SCFD1: variants seen among roughly 807,000 people sequenced by gnomAD.
SCFD1 encodes the protein sec1 family domain-containing protein 1.
Under a neutral mutation model 103.2 loss-of-function variants are expected in SCFD1, and 37 were observed. The observed-to-expected ratio is 0.36, with a 90% CI of 0.28 to 0.47. The LOEUF is 0.47. Ranked by LOEUF, SCFD1 falls within the 20% of genes least tolerant of loss-of-function variation. The pLI is 1.00. For synonymous variants in SCFD1, 264 were observed against 245.0 expected, an observed-to-expected ratio of 1.08 and a Z score of -0.73; for missense variants, 639 against 761.2, an observed-to-expected ratio of 0.84 and a Z score of 1.89.
At chr14:30,666,087 A>G (rs931790814) in intron 10 of SCFD1, among the ~76,000 whole-genome samples, 1 of 152,204 alleles carries the variant, frequency 6.6e-6, no homozygotes, top group African/African-American at 2.4e-5. Flanking sequence ...TCCACCCCAA[A>G]TCAACAGAAT....
intron 10 of SCFD1, among the ~76,000 whole-genome samples, chr14:30,665,457 A>G (rs920814427): frequency 2.0e-5 from 3 of 152,344 alleles, no homozygotes; most frequent in South Asian, 2.1e-4. Context: ...TGTAAAGACC[A>G]TAGATGCTAG....
In SCFD1 at chr14:30,649,568, A is replaced by G. The variant is rs370368835; in HGVS notation, c.654A>G (p.Ala218=). 1.2e-4 allele frequency: 196 copies of G among 1,572,688 alleles called. No individual in the cohort carries two copies. The highest frequency in any genetic ancestry group is 1.5e-4 in the Non-Finnish European group (175 of 1,167,022). Residue 218 remains alanine, a synonymous_variant, in exon 8 of 25, where the codon GCA becomes GCG. Coordinates refer to ENST00000458591, the MANE Select transcript of SCFD1 (RefSeq NM_016106.4). ...TCAGATGTTCAAGAGGAACAGCAGC[A>G]GAAATGGTAGCAGTGGTAAGTTCAT... The part of the protein sequence containing the change: ...PIIRCSRGTA[A]EMVAVKLDKK...
chr14:30,674,112 A>G (rs553582651), intron 13 of SCFD1, 115 bp downstream of exon 13: 1 of 676,912 alleles, frequency 1.5e-6, no homozygotes, highest in Admixed American at 2.8e-5. Context: ...AATAGCAAAT[A>G]TAACTTTGAA....
At chr14:30,670,182 T>C (rs1328560081) in intron 10 of SCFD1, 74 bp from the exon 11 acceptor site, 4 of 1,230,774 alleles carry the variant, frequency 3.2e-6, no homozygotes, top group Non-Finnish European at 4.5e-6. Context: ...TTGGAAACAT[T>C]AGAAAGGGCA....
At chr14:30,690,906 T>G (rs1447324314) in intron 14 of SCFD1, among the ~76,000 whole-genome samples, 3 of 152,260 alleles carry the variant, frequency 2.0e-5, no homozygotes, top group Non-Finnish European at 4.4e-5. Context: ...GTTATTTTGT[T>G]TTATATTTTT....
At chr14:30,663,142 T>C (rs1488911492) in intron 10 of SCFD1, among the ~76,000 whole-genome samples, 1 of 152,200 alleles carries the variant, frequency 6.6e-6, no homozygotes, top group Non-Finnish European at 1.5e-5. Flanking sequence ...ATTCTTAACA[T>C]CTTTTATTCC....
At position 30,731,767 on chromosome 14, in the gene SCFD1, G is replaced by A. The variant is rs191095982; in HGVS notation, c.1837-3023G>A. ...GGAGATTTTGGGCTGAGATAATGGG[G>A]TTTTCTAGATATACAATCATGTCAT... is the stretch of plus-strand genomic sequence containing the variant. On this transcript the variant is annotated intron_variant, in intron 23 of 24. Coordinates refer to ENST00000458591, the MANE Select transcript of SCFD1 (RefSeq NM_016106.4). Among the ~76,000 whole-genome samples the A allele has an allele frequency of 4.0e-3, 612 of 152,240 alleles. 4 individuals are homozygous for A. Among genetic ancestry groups the A allele is most frequent in the Non-Finnish European group, 7.2e-3 (488 of 68,006 alleles).
rs367895351 is a variant in SCFD1 at position 30,673,358 on chromosome 14, A to C, written c.1086+11A>C. 8.6e-5 allele frequency: 121 copies of C among 1,403,752 alleles called. No individual in the cohort carries two copies. The African/African-American group carries it at 8.6e-4, about 10-fold the overall frequency. 87.0% of individuals were successfully genotyped at this position (1,403,752 alleles called of 1,614,324 possible). ...CTTAAAAGCATTATGGTAAGATTCT[A>C]TTTGCTTTCTAAGAATTATAGGAAA... On this transcript the variant is annotated intron_variant, in intron 12 of 24. Transcript: ENST00000458591.
intron 14 of SCFD1, among the ~76,000 whole-genome samples, chr14:30,692,221 T>C (rs1178667513): frequency 1.3e-5 from 2 of 152,180 alleles, no homozygotes; most frequent in East Asian, 1.9e-4. Flanking sequence ...AGTTTCGAAA[T>C]TCAGCAAATG....
chr14:30,707,100 T>C (rs1891522855), intron 18 of SCFD1, among the ~76,000 whole-genome samples: 2 of 152,240 alleles, frequency 1.3e-5, no homozygotes, highest in African/African-American at 4.8e-5. Flanking sequence ...ATTACTTCCA[T>C]GTGTTTAATA....
chr14:30,723,433 C>G (rs553442261), intron 23 of SCFD1, among the ~76,000 whole-genome samples: 3 of 152,018 alleles, frequency 2.0e-5, no homozygotes, highest in Non-Finnish European at 4.4e-5. Context: ...TTCAGGGGTA[C>G]AAGTGCAGTT....
chr14:30,672,151 G>C (rs1888609589), intron 11 of SCFD1, among the ~76,000 whole-genome samples: 1 of 152,098 alleles, frequency 6.6e-6, no homozygotes, highest in Non-Finnish European at 1.5e-5. Flanking sequence ...GGATTATCCA[G>C]TTCAACCCAC....
intron 15 of SCFD1, among the ~76,000 whole-genome samples, chr14:30,699,543 T>G (rs986685702): frequency 2.0e-5 from 3 of 152,228 alleles, no homozygotes; most frequent in South Asian, 2.1e-4. Context: ...GACATTACTT[T>G]GAAGTCTTAT....
chr14:30,637,099 A>G (rs1346206335), intron 4 of SCFD1, among the ~76,000 whole-genome samples: 1 of 152,072 alleles, frequency 6.6e-6, no homozygotes, highest in East Asian at 1.9e-4. Context: ...CATTGTGACT[A>G]GAGTGTCACT....
upstream of SCFD1, chr14:30,622,273 G>T (rs1307118200): frequency 1.9e-6 from 3 of 1,582,366 alleles, no homozygotes; most frequent in Non-Finnish European, 8.6e-7. Context: ...CTTCCGGGGC[G>T]GTAAGGGCAG....
At position 30,734,856 on chromosome 14, in the gene SCFD1, C is replaced by G. The variant is rs368373461; in HGVS notation, c.1903C>G (p.Gln635Glu). The G allele has an allele frequency of 8.1e-6, 13 of 1,605,950 alleles. No homozygotes were observed. In the East Asian group the frequency reaches 8.9e-5, roughly 11 times the overall value. Residue 635 changes from glutamine (Q) to glutamate (E), a missense_variant and splice_region_variant, in exon 24 of 25, where the codon CAG becomes GAG. Physicochemically the swap from Gln to Glu is conservative, Grantham distance 29 (BLOSUM62 2). Coordinates refer to ENST00000458591, the MANE Select transcript of SCFD1 (RefSeq NM_016106.4). ...ELFNATQFIK[Q>E]LSQLGQK The stretch of plus-strand genomic sequence containing the variant: ...TTTTAATGCTACACAGTTCATAAAA[C>G]AGGTAAAGTATACATTTGTTGTTTG...
At chr14:30,733,645 T>C (rs985853278) in intron 23 of SCFD1, among the ~76,000 whole-genome samples, 4 of 152,336 alleles carry the variant, frequency 2.6e-5, no homozygotes, top group South Asian at 2.1e-4. Context: ...GGGCCTGGGC[T>C]AGAGACTACG....
At chr14:30,652,195 G>A (rs997606607) in intron 9 of SCFD1, 25 of 152,204 alleles carry the variant, frequency 1.6e-4, no homozygotes, top group African/African-American at 5.5e-4. Flanking sequence ...AAGGAAATAT[G>A]TAAACAGATA....
intron 14 of SCFD1, among the ~76,000 whole-genome samples, chr14:30,683,761 T>G (rs1258668391): frequency 3.3e-5 from 5 of 152,186 alleles, no homozygotes; most frequent in African/African-American, 4.8e-5. Flanking sequence ...CATAGAAAGG[T>G]TTATCATTCC....
Sources: gnomAD v4.1 joint callset for allele counts (sites outside exome capture counted in the v4.1 genomes callset) on GRCh38, gnomAD v4.1.1 for gene constraint, MANE v1.5 for transcripts, NCBI Gene and HGNC (gene_info 2026-07-23, HGNC 2026-07-21) for gene names.